Variants in NPNT observed in about 807,000 individuals in gnomAD.
NPNT encodes nephronectin.
NPNT carries 45 observed loss-of-function variants against 68.6 expected under a neutral mutation model. The observed-to-expected ratio is 0.66, with a 90% CI of 0.52 to 0.84. The LOEUF (loss-of-function observed/expected upper bound fraction) is 0.84. NPNT is among the 40% of genes least tolerant of loss of function. The probability of loss-of-function intolerance (pLI) is 0.00; values close to 1 mark genes in which losing one functional copy is unlikely to be tolerated. For missense variants in NPNT, 672 were observed against 714.8 expected (o/e 0.94, Z 0.68); for synonymous variants, 233 against 253.3 (o/e 0.92, Z 0.76).
intron 7 of NPNT, among the ~76,000 whole-genome samples, chr4:105,942,104 TC>T (rs1730003249): frequency 7.3e-6 from 1 of 137,258 alleles, no homozygotes; most frequent in Non-Finnish European, 1.6e-5. Flanking sequence ...TATGTGTGTG[TC>T]TGTGTGTGTG....
chr4:105,903,859 A>G (rs960855665), intron 2 of NPNT, among the ~76,000 whole-genome samples: 29 of 146,236 alleles, frequency 2.0e-4, no homozygotes, highest in Non-Finnish European at 1.8e-4. Flanking sequence ...ATCTTGGCTC[A>G]CTAGAACCCT....
rs1360150809 is a variant in NPNT at position 105,942,636 on chromosome 4, C to G, written c.1093C>G (p.Pro365Ala). Residue 365 changes from proline to alanine, a missense_variant, in exon 8 of 12, where the codon CCA becomes GCA. Pro to Ala is a conservative substitution (Grantham distance 27). Coordinates refer to ENST00000379987, the MANE Select transcript of NPNT (RefSeq NM_001033047.3). ...TTIAPAASTP[P>A]GGITVDNRVQ... The stretch of plus-strand genomic sequence containing the variant: ...TATAGCACCAGCTGCCAGTACACCT[C>G]CAGGAGGGATTACAGTTGACAACAG... The G allele has an allele frequency of 3.1e-6, 5 of 1,613,950 alleles. No individual in the cohort carries two copies. Among genetic ancestry groups the G allele is most frequent in the Non-Finnish European group, 3.4e-6 (4 of 1,179,940 alleles).
At chr4:105,897,342 CT>C (rs1290687456) in intron 1 of NPNT, among the ~76,000 whole-genome samples, 1 of 152,076 alleles carries the variant, frequency 6.6e-6, no homozygotes, top group Non-Finnish European at 1.5e-5. Flanking sequence ...TTTTCTAGTA[CT>C]TTTTTGTTTT....
At chr4:105,917,563 T>C (rs920904827) in intron 2 of NPNT, among the ~76,000 whole-genome samples, 2 of 152,180 alleles carry the variant, frequency 1.3e-5, no homozygotes. Context: ...GTATAAGATA[T>C]ATATATTTAA....
chr4:105,940,312 G>C, intron 6 of NPNT, 103 bp downstream of exon 6: 3 of 1,243,250 alleles, frequency 2.4e-6, no homozygotes, highest in Non-Finnish European at 3.5e-6. Flanking sequence ...GGAGAGTACT[G>C]GCGTTAAGTT....
At chr4:105,904,426 T>A (rs1726704189) in intron 2 of NPNT, among the ~76,000 whole-genome samples, 3 of 152,118 alleles carry the variant, frequency 2.0e-5, no homozygotes, top group African/African-American at 7.2e-5. Flanking sequence ...GATCTTTCCT[T>A]GATTTTAGGA....
intron 1 of NPNT, among the ~76,000 whole-genome samples, chr4:105,896,539 C>G (rs1391168271): frequency 6.6e-6 from 1 of 152,180 alleles, no homozygotes; most frequent in East Asian, 1.9e-4. Flanking sequence ...TAGGCTCGTC[C>G]CGGGTGCAGA....
chr4:105,896,780 G>C (rs1316155974), intron 1 of NPNT, among the ~76,000 whole-genome samples: 1 of 152,196 alleles, frequency 6.6e-6, no homozygotes, highest in East Asian at 1.9e-4. Flanking sequence ...AAGCACAGCT[G>C]CTTGTTCACT....
intron 8 of NPNT, among the ~76,000 whole-genome samples, chr4:105,951,321 C>T (rs779586339): frequency 2.2e-4 from 33 of 152,112 alleles, no homozygotes; most frequent in Non-Finnish European, 3.8e-4. Context: ...GCTGTTATTA[C>T]GCAACATGAG....
intron 8 of NPNT, among the ~76,000 whole-genome samples, chr4:105,958,086 T>C (rs1731382114): frequency 6.6e-6 from 1 of 152,166 alleles, no homozygotes; most frequent in African/African-American, 2.4e-5. Flanking sequence ...GTATTTTCAG[T>C]TAAAACAACC....
chr4:105,940,550 G>A lies in NPNT; in HGVS notation c.677G>A (p.Ser226Asn), dbSNP rs201196197. ...TGCTCACTTGGTCAGTATCAGTGCAGCAGCTTTGCTCGATGTTATAACATA... is the reference window on the plus strand; with the variant it reads ...TGCTCACTTGGTCAGTATCAGTGCAACAGCTTTGCTCGATGTTATAACATA... ...DECSLGQYQCSSFARCYNIRG... is the reference protein window; with the variant it reads ...DECSLGQYQCNSFARCYNIRG... Residue 226 changes from serine to asparagine, a missense_variant, in exon 7 of 12, where the codon AGC (serine) becomes AAC (asparagine). Physicochemically the swap from Ser to Asn is conservative, Grantham distance 46. Coordinates refer to ENST00000379987, the MANE Select transcript of NPNT (RefSeq NM_001033047.3). 17 of 1,612,946 alleles carry A rather than the reference G, an allele frequency of 1.1e-5. No individual in the cohort carries two copies. Among genetic ancestry groups the A allele is most frequent in the African/African-American group, 1.3e-5 (1 of 74,874 alleles).
At chr4:105,924,061 T>C (rs912469956) in intron 2 of NPNT, among the ~76,000 whole-genome samples, 2 of 147,786 alleles carry the variant, frequency 1.4e-5, no homozygotes, top group African/African-American at 4.9e-5. Context: ...CCACTTTGCT[T>C]ATATTCTGAA....
intron 2 of NPNT, among the ~76,000 whole-genome samples, chr4:105,924,041 C>G (rs536897860): frequency 4.0e-4 from 54 of 135,738 alleles, no homozygotes; most frequent in South Asian, 6.5e-4. Context: ...TTTGCTGCGC[C>G]CCCCCCCCAC....
At chr4:105,922,957 C>T (rs1728368784) in intron 2 of NPNT, among the ~76,000 whole-genome samples, 1 of 152,122 alleles carries the variant, frequency 6.6e-6, no homozygotes, top group Non-Finnish European at 1.5e-5. Flanking sequence ...AAATACGGCC[C>T]AAACTTCTTG....
At chr4:105,898,290 T>TTCTCTC (rs148494812) in intron 2 of NPNT, among the ~76,000 whole-genome samples, 23 of 94,756 alleles carry the variant, frequency 2.4e-4, no homozygotes, top group South Asian at 6.4e-4. Context: ...CCAGGTTTAT[T>TTCTCTC]TCTCTCTCTC....
intron 10 of NPNT, among the ~76,000 whole-genome samples, chr4:105,966,053 T>C (rs1732106800): frequency 6.6e-6 from 1 of 152,250 alleles, no homozygotes; most frequent in Admixed American, 6.5e-5. Flanking sequence ...TACCAAATTT[T>C]ATCATGTCCT....
intron 1 of NPNT, chr4:105,896,074 T>C (rs1393146762): frequency 1.1e-5 from 3 of 269,732 alleles, no homozygotes; most frequent in Non-Finnish European, 2.1e-5. Context: ...AAACATCCCT[T>C]ACCCGGGAAA....
chr4:105,910,244 T>C (rs1294113606), intron 2 of NPNT, among the ~76,000 whole-genome samples: 3 of 152,214 alleles, frequency 2.0e-5, no homozygotes, highest in African/African-American at 7.2e-5. Context: ...ATCAGAGTGC[T>C]TATTAATTCC....
At chr4:105,926,248 G>T (rs1445350187) in intron 2 of NPNT, among the ~76,000 whole-genome samples, 1 of 152,116 alleles carries the variant, frequency 6.6e-6, no homozygotes, top group Non-Finnish European at 1.5e-5. Flanking sequence ...ATATTGTTTT[G>T]AATAAGAAAC....
Sources: gnomAD v4.1 joint callset for allele counts (sites outside exome capture counted in the v4.1 genomes callset) on GRCh38, gnomAD v4.1.1 for gene constraint, MANE v1.5 for transcripts, NCBI Gene and HGNC (gene_info 2026-07-23, HGNC 2026-07-21) for gene names.